DNAH12: variants seen among roughly 807,000 people sequenced by gnomAD.
DNAH12 encodes dynein axonemal heavy chain 12, also known as axonemal beta dynein heavy chain 12.
DNAH12 carries 285 observed loss-of-function variants against 371.5 expected under a neutral mutation model. That is an observed-to-expected ratio of 0.77 (90% CI 0.70 to 0.85). The LOEUF is 0.85. Ranked by LOEUF, DNAH12 falls within the 40% of genes least tolerant of loss-of-function variation. The pLI is 0.00. For synonymous variants in DNAH12, 1,200 were observed against 1,213.0 expected (o/e 0.99, Z 0.22); for missense variants, 3,611 against 3,689.4 (o/e 0.98, Z 0.55).
At chr3:57,415,297 C>T (rs914478862) in intron 38 of DNAH12, 129 bp downstream of exon 38, 11 of 1,251,296 alleles carry the variant, frequency 8.8e-6, no homozygotes, top group Non-Finnish European at 1.2e-5. Context: ...AAACTTGTAA[C>T]TCCCCAAACA....
intron 15 of DNAH12, among the ~76,000 whole-genome samples, chr3:57,471,002 T>C (rs62258414): frequency 0.67 from 101,630 of 152,026 alleles, 34,218 homozygotes; most frequent in South Asian, 0.75. Flanking sequence ...CCACTGCGCC[T>C]GGCCTATACA....
At chr3:57,516,053 CT>C (rs11395278) in intron 4 of DNAH12, among the ~76,000 whole-genome samples, 111 of 71,952 alleles carry the variant, frequency 1.5e-3, no homozygotes, top group African/African-American at 4.3e-3. Context: ...ACTGCTTAGT[CT>C]TTTTTTTTTT....
intron 29 of DNAH12, among the ~76,000 whole-genome samples, chr3:57,439,839 A>AG (rs2065250139): frequency 8.9e-6 from 1 of 112,004 alleles, no homozygotes; most frequent in Non-Finnish European, 2.0e-5. Flanking sequence ...ACAATTGAAC[A>AG]GGAAAAAAAA....
intron 50 of DNAH12, among the ~76,000 whole-genome samples, chr3:57,381,650 C>T (rs2063393594): frequency 6.6e-6 from 1 of 152,088 alleles, no homozygotes; most frequent in Non-Finnish European, 1.5e-5. Flanking sequence ...CAAGGTCACA[C>T]TGCTAGTGGG....
chr3:57,352,123 C>T lies in DNAH12; in HGVS notation c.9636G>A (p.Lys3212=). The change falls in exon 60 of 74, where the codon AAG becomes AAA. Residue 3212 remains lysine (K), a synonymous_variant. Coordinates refer to ENST00000495027, the MANE Select transcript of DNAH12 (RefSeq NM_001366028.2). ...NICRSLFEKD[K]LLFSFLLCAN... ...CACATAATAAAAAGGAAAATAACAG[C>T]TTGTCCTTCTCAAATAGTGATCGGC... 6.5e-6 allele frequency: 10 copies of T among 1,536,358 alleles called. No homozygotes were observed. Among genetic ancestry groups the T allele is most frequent in the Non-Finnish European group, 7.9e-6 (9 of 1,142,836 alleles).
upstream of DNAH12, among the ~76,000 whole-genome samples, chr3:57,546,501 C>T (rs190382931): frequency 3.3e-5 from 5 of 152,206 alleles, no homozygotes; most frequent in Non-Finnish European, 5.9e-5. Context: ...ACCACGACAT[C>T]GGCTAATTTT....
chr3:57,418,325 A>T (rs1234516580), intron 37 of DNAH12, among the ~76,000 whole-genome samples: 2 of 124,168 alleles, frequency 1.6e-5, no homozygotes, highest in Non-Finnish European at 3.2e-5. Context: ...GGATTGCTTG[A>T]GCTCAGGTGT....
intron 45 of DNAH12, among the ~76,000 whole-genome samples, chr3:57,388,263 T>A (rs1164903775): frequency 6.6e-6 from 1 of 152,194 alleles, no homozygotes; most frequent in Non-Finnish European, 1.5e-5. Flanking sequence ...CAGAGCACTC[T>A]TTATAAAACA....
intron 69 of DNAH12, among the ~76,000 whole-genome samples, chr3:57,302,529 G>GTATATA (rs71088055): frequency 4.2e-5 from 2 of 47,850 alleles, no homozygotes; most frequent in African/African-American, 8.5e-5. Flanking sequence ...GGCATCAGGT[G>GTATATA]TATATATATA....
intron 62 of DNAH12, among the ~76,000 whole-genome samples, chr3:57,326,448 C>G (rs572756620): frequency 1.3e-5 from 2 of 152,136 alleles, no homozygotes; most frequent in Non-Finnish European, 2.9e-5. Context: ...AATTTCATAT[C>G]CAGCCAAACT....
intron 34 of DNAH12, 64 bp downstream of exon 34, chr3:57,428,569 T>C: frequency 6.6e-7 from 1 of 1,511,672 alleles, no homozygotes; most frequent in Non-Finnish European, 8.8e-7. Flanking sequence ...CACTGTGACT[T>C]TAGACTTAGT....
chr3:57,464,113 C>T (rs1362290663), intron 17 of DNAH12, among the ~76,000 whole-genome samples: 1 of 152,010 alleles, frequency 6.6e-6, no homozygotes, highest in Non-Finnish European at 1.5e-5. Flanking sequence ...AACCAGCTAC[C>T]CCACCACCCT....
intron 36 of DNAH12, among the ~76,000 whole-genome samples, chr3:57,420,114 T>C (rs1468335588): frequency 6.6e-6 from 1 of 152,246 alleles, no homozygotes; most frequent in Admixed American, 6.5e-5. Context: ...TTAATTGTTA[T>C]GATACTGAAA....
intron 60 of DNAH12, among the ~76,000 whole-genome samples, chr3:57,341,360 C>T (rs868949050): frequency 6.6e-6 from 1 of 152,066 alleles, no homozygotes; most frequent in South Asian, 2.1e-4. Context: ...AACTTAGACT[C>T]TACCCAAAAA....
the DNAH12 span, among the ~76,000 whole-genome samples, chr3:57,553,360 G>T: frequency 6.6e-6 from 1 of 152,144 alleles, no homozygotes; most frequent in Admixed American, 6.5e-5. Context: ...GGACAGCTAT[G>T]AAGGGCAGAG....
chr3:57,501,536 A>T, intron 10 of DNAH12, 124 bp from the exon 11 acceptor site: 1 of 635,506 alleles, frequency 1.6e-6, no homozygotes, highest in East Asian at 3.3e-5. Flanking sequence ...GAGTATTAAC[A>T]TACATGATTT....
At chr3:57,487,895 GT>G (rs1189741500) in intron 12 of DNAH12, among the ~76,000 whole-genome samples, 17 of 150,078 alleles carry the variant, frequency 1.1e-4, no homozygotes, top group Admixed American at 1.0e-3. Context: ...TTGTTTTTTG[GT>G]TTTTTTTAAC....
chr3:57,310,981 AC>A, intron 66 of DNAH12, 31 bp from the exon 67 acceptor site: 2 of 1,430,270 alleles, frequency 1.4e-6, no homozygotes. Context: ...AACAAGAAAA[AC>A]CTTAAAGTAT....
chr3:57,446,201 C>T lies in DNAH12; in HGVS notation c.4009G>A (p.Val1337Met). The T allele has an allele frequency of 6.4e-7, 1 of 1,551,794 alleles. No individual in the cohort carries two copies. The highest frequency in any genetic ancestry group is 8.7e-7 in the Non-Finnish European group (1 of 1,147,018). ...ATCTGTTGAGCTACCACTGACAACA[C>T]TTCCAACTCAATTCGATTGAATTCA... is the stretch of plus-strand genomic sequence containing the variant. ...FDEFNRIELEVLSVVAQQILC... is the reference protein window; with the variant it reads ...FDEFNRIELEMLSVVAQQILC... Residue 1337 changes from valine to methionine, a missense_variant, in exon 27 of 74, where the codon GTG becomes ATG. By Grantham distance (21) the Val-to-Met change is conservative. Transcript: ENST00000495027.
Sources: gnomAD v4.1 joint callset for allele counts (sites outside exome capture counted in the v4.1 genomes callset) on GRCh38, gnomAD v4.1.1 for gene constraint, MANE v1.5 for transcripts, NCBI Gene and HGNC (gene_info 2026-07-23, HGNC 2026-07-21) for gene names.